Variants in ELAVL3 observed in about 807,000 individuals in gnomAD.
ELAVL3 encodes ELAV-like protein 3.
In ELAVL3, 8 loss-of-function variants were observed where a neutral mutation model predicts 34.2. The ratio of observed to expected loss-of-function variants is 0.23; its 90% CI spans 0.14 to 0.42. The LOEUF is 0.42. Among genes scored for constraint, ELAVL3 ranks in the 10% least tolerant of loss-of-function variants. The pLI is 1.00. For missense variants in ELAVL3, 273 were observed against 518.8 expected, an observed-to-expected ratio of 0.53 and a Z score of 4.60; for synonymous variants, 209 against 222.1, an observed-to-expected ratio of 0.94 and a Z score of 0.53.
chr19:11,470,318 G>C (rs1473713706), intron 1 of ELAVL3, among the ~76,000 whole-genome samples: 13 of 152,042 alleles, frequency 8.6e-5, no homozygotes, highest in Non-Finnish European at 1.8e-4. Flanking sequence ...TCGTGCCATT[G>C]CACTCCAGGC....
At chr19:11,464,445 G>T (rs1349278571) in intron 3 of ELAVL3, among the ~76,000 whole-genome samples, 5 of 151,792 alleles carry the variant, frequency 3.3e-5, no homozygotes, top group Non-Finnish European at 7.4e-5. Context: ...TTATAGGCGT[G>T]GGCCACTGTG....
In ELAVL3 at chr19:11,472,574, A is replaced by G. The variant is rs147813653; in HGVS notation, c.10-5747T>C. On this transcript the variant is annotated intron_variant, in intron 1 of 6. Coordinates refer to ENST00000359227, the MANE Select transcript of ELAVL3 (RefSeq NM_001420.4). ...AAATTAGCTAGTCATGGTGGCTTGC[A>G]CCTGTGGTCCCAGGTACTCAGGATG... Among the ~76,000 whole-genome samples the G allele has an allele frequency of 5.3e-3, 792 of 148,902 alleles. 2 individuals carry two copies. The highest frequency in any genetic ancestry group is 8.2e-3 in the Non-Finnish European group (551 of 67,174).
At position 11,464,469 on chromosome 19, in the gene ELAVL3, A is replaced by G. The variant is rs562512318; in HGVS notation, c.333+1703T>C. On this transcript the variant is annotated intron_variant, in intron 3 of 6. Transcript: ENST00000359227. ...TGGGCCACTGTGCCTGGCCACAGCCACTCGCACACTGTGTCCCACAACCAT... is the reference window on the plus strand; with the variant it reads ...TGGGCCACTGTGCCTGGCCACAGCCGCTCGCACACTGTGTCCCACAACCAT... Among the ~76,000 whole-genome samples, 4 of 151,796 alleles carry G rather than the reference A, an allele frequency of 2.6e-5. 1 individual carries two copies. Among genetic ancestry groups the G allele is most frequent in the African/African-American group, 9.7e-5 (4 of 41,366 alleles).
chr19:11,458,690 C>T lies in ELAVL3; in HGVS notation c.334-79G>A. ...GGAGAGAGTGAGGCCATGTCTAAAC[C>T]ATCACGGAGTTAGCAGAAGTGACCC... On this transcript the variant is annotated intron_variant, in intron 3 of 6. Coordinates refer to ENST00000359227, the MANE Select transcript of ELAVL3 (RefSeq NM_001420.4). This position sits in a 1 kb window ranked among gnomAD's most constrained non-coding sequence, Gnocchi z 7.3. The T allele has an allele frequency of 6.4e-7, 1 of 1,557,434 alleles. No individual in the cohort carries two copies. Among genetic ancestry groups the T allele is most frequent in the East Asian group, 2.2e-5 (1 of 44,454 alleles).
chr19:11,469,358 C>T (rs868717789), intron 1 of ELAVL3, among the ~76,000 whole-genome samples: 2 of 152,150 alleles, frequency 1.3e-5, no homozygotes, highest in Non-Finnish European at 2.9e-5. Flanking sequence ...TTGGCTCCCC[C>T]CAAACTCCGC....
At chr19:11,467,317 G>A (rs1390129007) in intron 1 of ELAVL3, among the ~76,000 whole-genome samples, 1 of 151,914 alleles carries the variant, frequency 6.6e-6, no homozygotes, top group Non-Finnish European at 1.5e-5. Flanking sequence ...AGCTACTCGG[G>A]AGGCTGAGGC....
At position 11,466,778 on chromosome 19, in the gene ELAVL3, G is replaced by T. The variant is rs763888591; in HGVS notation, c.59C>A (p.Pro20Gln). 1 of 1,613,278 alleles carries T rather than the reference G, an allele frequency of 6.2e-7. No homozygotes were observed. Among genetic ancestry groups the T allele is most frequent in the Admixed American group, 1.7e-5 (1 of 59,836 alleles). The change falls in exon 2 of 7, where the codon CCG (proline) becomes CAG (glutamine). Residue 20 changes from proline (P) to glutamine (Q), a missense_variant. Pro to Gln is a moderately conservative substitution (Grantham distance 76, BLOSUM62 -1). Transcript: ENST00000359227. This position sits in a 1 kb window ranked among gnomAD's most constrained non-coding sequence, Gnocchi z 5.0. ...ESQVGGGPAG[P>Q]ALPNGPLLGT... ...AAGGAGTGGCCCGTTGGGCAGGGCC[G>T]GGCCGGCCGGGCCCCCCCCCACCTG...
At chr19:11,474,400 G>C (rs1403349220) in intron 1 of ELAVL3, among the ~76,000 whole-genome samples, 3 of 152,080 alleles carry the variant, frequency 2.0e-5, no homozygotes, top group Non-Finnish European at 4.4e-5. Context: ...TTCCAGACCA[G>C]CCTTGCCAAC....
rs537070867 is a variant in ELAVL3, at chr19:11,464,031, G to T, written c.333+2141C>A. The stretch of plus-strand genomic sequence containing the variant: ...AAACCTTATCCTACAGACACATAGG[G>T]ATATACCCGAAGTCTTAAATACACA... On this transcript the variant is annotated intron_variant, in intron 3 of 6. Transcript: ENST00000359227. Among the ~76,000 whole-genome samples the T allele has an allele frequency of 1.1e-4, 16 of 150,672 alleles. No individual in the cohort carries two copies. In the South Asian group the frequency reaches 2.1e-3, roughly 20 times the overall value.
At chr19:11,467,585 G>T (rs1022045597) in intron 1 of ELAVL3, among the ~76,000 whole-genome samples, 5 of 150,924 alleles carry the variant, frequency 3.3e-5, no homozygotes, top group South Asian at 2.1e-4. Flanking sequence ...TTGGGTTCAA[G>T]CGATTCTCCT....
Position 11,480,269 on chromosome 19 carries a change from G to A in ELAVL3, c.9+331C>T, listed in dbSNP as rs1049342249. The A allele has an allele frequency of 2.5e-5, 8 of 314,862 alleles. No individual in the cohort carries two copies. Among genetic ancestry groups the A allele is most frequent in the Non-Finnish European group, 4.1e-5 (7 of 171,842 alleles). The allele number at this position is 314,862 out of a possible 1,614,324, so 19.5% of individuals were successfully genotyped here. Reference sequence around the variant, plus strand: ...TTGCCTGGGCGGCCTGCGGGGTCTGGGCCTGGATGGAGGAAGCATCCTTAG... The same window carrying A: ...TTGCCTGGGCGGCCTGCGGGGTCTGAGCCTGGATGGAGGAAGCATCCTTAG... On this transcript the variant is annotated intron_variant, in intron 1 of 6. Transcript: ENST00000359227. This position sits in a 1 kb window ranked among gnomAD's most constrained non-coding sequence, Gnocchi z 6.8.
chr19:11,460,821 T>C (rs1970867553), intron 3 of ELAVL3, among the ~76,000 whole-genome samples: 1 of 152,054 alleles, frequency 6.6e-6, no homozygotes, highest in Non-Finnish European at 1.5e-5. Flanking sequence ...TTATTAATTA[T>C]AGTCCAACCC....
intron 1 of ELAVL3, among the ~76,000 whole-genome samples, chr19:11,467,102 T>C (rs1971069478): frequency 6.6e-6 from 1 of 152,134 alleles, no homozygotes; most frequent in Non-Finnish European, 1.5e-5. Flanking sequence ...CCTGTGCATT[T>C]ACAAAATAAA....
At chr19:11,479,164 C>A (rs564469292) in intron 1 of ELAVL3, among the ~76,000 whole-genome samples, 1 of 152,110 alleles carries the variant, frequency 6.6e-6, no homozygotes, top group East Asian at 1.9e-4. Context: ...TGGACTGTTG[C>A]GGGAGTTCTG....
intron 1 of ELAVL3, among the ~76,000 whole-genome samples, chr19:11,470,660 G>A (rs1417335521): frequency 1.3e-5 from 2 of 152,030 alleles, no homozygotes; most frequent in Admixed American, 1.3e-4. Flanking sequence ...TGGGCAACAA[G>A]AGCGAAACTC....
chr19:11,452,853 A>C lies in ELAVL3; in HGVS notation c.*1673T>G, dbSNP rs1056951048. 5 of 151,984 alleles carry C rather than the reference A, an allele frequency of 3.3e-5. No individual in the cohort carries two copies. Among genetic ancestry groups the C allele is most frequent in the African/African-American group, 1.2e-4 (5 of 41,384 alleles). The allele number at this position is 151,984 out of a possible 1,614,324, so 9.4% of individuals were successfully genotyped here. A position where few individuals can be genotyped will look rare whatever the true frequency, so the allele number is the denominator to read the frequency against. On this transcript the variant is annotated 3_prime_UTR_variant, in exon 7 of 7. Coordinates refer to ENST00000359227, the MANE Select transcript of ELAVL3 (RefSeq NM_001420.4). The stretch of plus-strand genomic sequence containing the variant: ...GTTGGAATTTTTTTTTTTTAAAGAA[A>C]GAAAACTAGGGCGATGCAATGTCCA...
In ELAVL3 at chr19:11,478,429, C is replaced by T. The variant is rs147425395; in HGVS notation, c.9+2171G>A. Among the ~76,000 whole-genome samples the T allele has an allele frequency of 2.9e-3, 436 of 152,272 alleles. 3 individuals carry two copies. The highest frequency in any genetic ancestry group is 9.8e-3 in the African/African-American group (407 of 41,536). On this transcript the variant is annotated intron_variant, in intron 1 of 6. Transcript: ENST00000359227. ...GGAAGCCACACCCGCCCTGCCCCAG[C>T]CTGCAGTAAGTGCACAGCCTGGGAT...
intron 1 of ELAVL3, among the ~76,000 whole-genome samples, chr19:11,479,680 C>A (rs1289526184): frequency 6.6e-6 from 1 of 151,200 alleles, no homozygotes; most frequent in African/African-American, 2.4e-5. Flanking sequence ...CGTGCCCGGG[C>A]GTGGCCAGGC....
At chr19:11,459,638 T>A (rs1970843326) in intron 3 of ELAVL3, among the ~76,000 whole-genome samples, 1 of 151,674 alleles carries the variant, frequency 6.6e-6, no homozygotes, top group African/African-American at 2.4e-5. Context: ...GTATTGAACT[T>A]CTGGCCTCAA....
Sources: allele counts gnomAD v4.1 joint callset (sites outside exome capture counted in the v4.1 genomes callset), GRCh38; gene constraint gnomAD v4.1.1; non-coding constraint Gnocchi (gnomAD v3.1); transcripts MANE v1.5; gene names NCBI Gene and HGNC (gene_info 2026-07-23, HGNC 2026-07-21).